EFNA5: variants seen among roughly 807,000 people sequenced by gnomAD.
EFNA5 encodes the protein ephrin-A5.
A neutral mutation model predicts 22.9 loss-of-function variants in EFNA5; 5 were observed. That is an observed-to-expected ratio of 0.22 (90% CI 0.11 to 0.46). The LOEUF (loss-of-function observed/expected upper bound fraction) is 0.46. Among genes scored for constraint, EFNA5 ranks in the 20% least tolerant of loss-of-function variants. The probability of loss-of-function intolerance (pLI) is 0.99; values close to 1 mark genes in which losing one functional copy is unlikely to be tolerated. For missense variants in EFNA5, 237 were observed against 293.3 expected (o/e 0.81, Z 1.40); for synonymous variants, 113 against 112.2 (o/e 1.01, Z -0.04).
chr5:107,485,354 T>C (rs1396985065), intron 1 of EFNA5, among the ~76,000 whole-genome samples: 1 of 152,206 alleles, frequency 6.6e-6, no homozygotes, highest in African/African-American at 2.4e-5. Context: ...CATTTCACAG[T>C]AGCAAATTCT....
intron 1 of EFNA5, among the ~76,000 whole-genome samples, chr5:107,632,022 C>T (rs373857111): frequency 7.9e-5 from 12 of 152,346 alleles, no homozygotes; most frequent in East Asian, 7.7e-4. Flanking sequence ...AGCCTTCCAG[C>T]CACCAGTTGC....
intron 1 of EFNA5, among the ~76,000 whole-genome samples, chr5:107,577,201 G>C (rs529586525): frequency 1.3e-5 from 2 of 152,154 alleles, no homozygotes; most frequent in South Asian, 2.1e-4. Context: ...GGTTTTCAGA[G>C]GCACTTTGGC....
chr5:107,491,193 A>G (rs1005437403), intron 1 of EFNA5, among the ~76,000 whole-genome samples: 1 of 152,210 alleles, frequency 6.6e-6, no homozygotes, highest in African/African-American at 2.4e-5. Context: ...ACGGCCTCCA[A>G]CGACAGGACA....
At chr5:107,460,045 A>G (rs1399519984) in intron 1 of EFNA5, among the ~76,000 whole-genome samples, 2 of 152,156 alleles carry the variant, frequency 1.3e-5, no homozygotes, top group African/African-American at 2.4e-5. Flanking sequence ...CTGGTTTAAA[A>G]TCAGGAAAGG....
chr5:107,569,395 G>GTGTGTATATATATATTTATGTATA (rs1561435728), intron 1 of EFNA5, among the ~76,000 whole-genome samples: 1 of 142,108 alleles, frequency 7.0e-6, no homozygotes, highest in African/African-American at 2.6e-5. Context: ...TTATGTATAT[G>GTGTGTATATATATATTTATGTATA]TGTGTATATA....
intron 1 of EFNA5, among the ~76,000 whole-genome samples, chr5:107,662,065 C>CA (rs1449495165): frequency 1.3e-5 from 2 of 151,528 alleles, no homozygotes; most frequent in African/African-American, 2.4e-5. Flanking sequence ...AGAAAAAAAA[C>CA]AAAAGGTATT....
intron 1 of EFNA5, among the ~76,000 whole-genome samples, chr5:107,635,541 C>T (rs1211803572): frequency 6.6e-6 from 1 of 152,158 alleles, no homozygotes; most frequent in East Asian, 1.9e-4. Context: ...TGTGTAAGTG[C>T]TTCTTTTTTC....
At chr5:107,655,348 G>A (rs949612959) in intron 1 of EFNA5, among the ~76,000 whole-genome samples, 1 of 152,086 alleles carries the variant, frequency 6.6e-6, no homozygotes, top group African/African-American at 2.4e-5. Flanking sequence ...TGTACAAAAT[G>A]ATATAAGAGC....
intron 2 of EFNA5, among the ~76,000 whole-genome samples, chr5:107,397,248 C>G (rs1026205630): frequency 5.3e-5 from 8 of 152,084 alleles, no homozygotes; most frequent in Non-Finnish European, 1.2e-4. Context: ...GAGACCCTGT[C>G]TCTAATAAGA....
chr5:107,403,255 A>G (rs2112391669), intron 2 of EFNA5, among the ~76,000 whole-genome samples: 1 of 152,320 alleles, frequency 6.6e-6, no homozygotes, highest in Non-Finnish European at 1.5e-5. Context: ...CCCTTTGATG[A>G]CCCGAGAAGG....
intron 1 of EFNA5, among the ~76,000 whole-genome samples, chr5:107,649,353 T>C (rs1219010456): frequency 6.6e-6 from 1 of 152,196 alleles, no homozygotes; most frequent in Non-Finnish European, 1.5e-5. Flanking sequence ...TACATGAATT[T>C]AGTTAGGCTG....
At chr5:107,611,180 C>G (rs1749814137) in intron 1 of EFNA5, among the ~76,000 whole-genome samples, 1 of 151,796 alleles carries the variant, frequency 6.6e-6, no homozygotes. Context: ...GCATATGAAG[C>G]CAGAGCCCAC....
At chr5:107,506,775 A>AT (rs1219595166) in intron 1 of EFNA5, among the ~76,000 whole-genome samples, 1 of 152,174 alleles carries the variant, frequency 6.6e-6, no homozygotes, top group African/African-American at 2.4e-5. Flanking sequence ...AAAATATATA[A>AT]TATCTAGATT....
chr5:107,652,358 A>C (rs1238053705), intron 1 of EFNA5, among the ~76,000 whole-genome samples: 1 of 152,164 alleles, frequency 6.6e-6, no homozygotes, highest in Non-Finnish European at 1.5e-5. Flanking sequence ...AGACTAAATT[A>C]TTCCTCTCCA....
At chr5:107,527,688 AT>A (rs1312849613) in intron 1 of EFNA5, among the ~76,000 whole-genome samples, 3 of 152,190 alleles carry the variant, frequency 2.0e-5, no homozygotes, top group Non-Finnish European at 4.4e-5. Flanking sequence ...GTTAAAATTA[AT>A]TTTCCTTTTC....
chr5:107,551,842 T>C (rs1366248329), intron 1 of EFNA5, among the ~76,000 whole-genome samples: 1 of 151,764 alleles, frequency 6.6e-6, no homozygotes, highest in Non-Finnish European at 1.5e-5. Flanking sequence ...TTCTGAAAAA[T>C]CTCCTAGGAC....
rs114540390 is a variant in EFNA5 at position 107,664,667 on chromosome 5, T to A, written c.125+5822A>T. ...TACCTGAAAATGAAGGTGTTATCCA[T>A]CACAAATGATCAAAGGGCAATTTTT... On this transcript the variant is annotated intron_variant, in intron 1 of 4. Coordinates refer to ENST00000333274, the MANE Select transcript of EFNA5 (RefSeq NM_001962.3). Among the ~76,000 whole-genome samples the A allele has an allele frequency of 4.9e-3, 744 of 152,268 alleles. 7 individuals carry two copies. The highest frequency in any genetic ancestry group is 0.016 in the African/African-American group (674 of 41,552).
chr5:107,585,722 C>A (rs1474511187), intron 1 of EFNA5, among the ~76,000 whole-genome samples: 1 of 144,770 alleles, frequency 6.9e-6, no homozygotes, highest in Non-Finnish European at 1.5e-5. Context: ...CAAGTCAATC[C>A]CCAAATATGG....
At chr5:107,477,975 C>G (rs1750356969) in intron 1 of EFNA5, among the ~76,000 whole-genome samples, 1 of 152,070 alleles carries the variant, frequency 6.6e-6, no homozygotes, top group Admixed American at 6.6e-5. Flanking sequence ...AGTGGGATTT[C>G]TGGCCATTTT....
Sources: allele counts gnomAD v4.1 joint callset (sites outside exome capture counted in the v4.1 genomes callset), GRCh38; gene constraint gnomAD v4.1.1; transcripts MANE v1.5; gene names NCBI Gene and HGNC (gene_info 2026-07-23, HGNC 2026-07-21).